The following GLG1 variants were observed in gnomAD, a reference collection of about 807,000 sequenced individuals.
GLG1 encodes the protein golgi glycoprotein 1, also known as Golgi apparatus protein 1.
GLG1 carries 38 observed loss-of-function variants against 160.5 expected under a neutral mutation model. The ratio of observed to expected loss-of-function variants is 0.24; its 90% CI spans 0.18 to 0.31. GLG1 has a LOEUF of 0.31. GLG1 is among the 10% of genes least tolerant of loss of function. GLG1 has a pLI of 1.00. For missense variants in GLG1, 1,373 were observed against 1,505.2 expected (o/e 0.91, Z 1.45); for synonymous variants, 644 against 543.4 (o/e 1.19, Z -2.57).
At chr16:74,514,099 G>A (rs1025596071) in intron 2 of GLG1, among the ~76,000 whole-genome samples, 9 of 152,108 alleles carry the variant, frequency 5.9e-5, no homozygotes, top group Non-Finnish European at 1.2e-4. Context: ...AAAAAAGAGT[G>A]AAAAGAAACG....
chr16:74,520,778 G>A (rs1471663249), intron 2 of GLG1, among the ~76,000 whole-genome samples: 2 of 152,208 alleles, frequency 1.3e-5, no homozygotes, highest in African/African-American at 4.8e-5. Context: ...TTCTAGGAAT[G>A]CTAATGGGAA....
At chr16:74,497,518 C>T (rs914057151) in intron 4 of GLG1, among the ~76,000 whole-genome samples, 10 of 148,664 alleles carry the variant, frequency 6.7e-5, no homozygotes, top group African/African-American at 2.2e-4. Context: ...GCTCACTGCA[C>T]GCTCCCACTC....
chr16:74,601,869 G>T (rs1028710791), intron 1 of GLG1, among the ~76,000 whole-genome samples: 1 of 152,094 alleles, frequency 6.6e-6, no homozygotes, highest in African/African-American at 2.4e-5. Context: ...GAAAGAGTAT[G>T]GTCTTTTAAG....
At chr16:74,577,531 A>C (rs2019040017) in intron 1 of GLG1, among the ~76,000 whole-genome samples, 1 of 151,718 alleles carries the variant, frequency 6.6e-6, no homozygotes, top group Non-Finnish European at 1.5e-5. Flanking sequence ...TCAAAAAAAA[A>C]AAAAAAAGAA....
At chr16:74,488,115 T>C (rs568574990) in intron 8 of GLG1, among the ~76,000 whole-genome samples, 2 of 152,300 alleles carry the variant, frequency 1.3e-5, no homozygotes, top group South Asian at 2.1e-4. Context: ...ATGATAATTA[T>C]GCTTACGCTT....
chr16:74,510,881 G>C (rs914798803), intron 2 of GLG1, among the ~76,000 whole-genome samples: 15 of 152,110 alleles, frequency 9.9e-5, no homozygotes, highest in Admixed American at 3.3e-4. Context: ...TTCCAAACTG[G>C]GGAGGGATGG....
At position 74,463,491 on chromosome 16, in the gene GLG1, C is replaced by G. The variant is rs775708454; in HGVS notation, c.2668-12G>C. ...TCCGGACAGAACCTCTGCAAAGAAA[C>G]AGTTTGATAAAAACAGCTATCTAAA... On this transcript the variant is annotated splice_polypyrimidine_tract_variant and intron_variant, in intron 19 of 25. Transcript: ENST00000422840. 6.2e-7 allele frequency: 1 copy of G among 1,613,278 alleles called. No homozygotes were observed. Among genetic ancestry groups the G allele is most frequent in the East Asian group, 2.2e-5 (1 of 44,890 alleles).
intron 9 of GLG1, among the ~76,000 whole-genome samples, chr16:74,484,785 A>G (rs1321807872): frequency 1.3e-5 from 2 of 151,886 alleles, no homozygotes; most frequent in African/African-American, 4.8e-5. Context: ...ATAAAAATAA[A>G]TTGTATTTTT....
chr16:74,538,505 T>C (rs568489976), intron 1 of GLG1, among the ~76,000 whole-genome samples: 10 of 152,218 alleles, frequency 6.6e-5, no homozygotes, highest in South Asian at 2.1e-4. Context: ...GCTTTCCTCT[T>C]AGTGCCTTAT....
At chr16:74,573,202 A>G (rs2018886201) in intron 1 of GLG1, among the ~76,000 whole-genome samples, 1 of 152,192 alleles carries the variant, frequency 6.6e-6, no homozygotes. Context: ...ATATTTCTAG[A>G]CAAAAAAACC....
intron 25 of GLG1, among the ~76,000 whole-genome samples, chr16:74,454,945 A>G (rs1418122873): frequency 6.6e-6 from 1 of 151,826 alleles, no homozygotes; most frequent in East Asian, 1.9e-4. Context: ...CTCCACAAAA[A>G]ATTATAAAAT....
At chr16:74,487,148 C>T (rs1333280147) in intron 8 of GLG1, among the ~76,000 whole-genome samples, 2 of 152,072 alleles carry the variant, frequency 1.3e-5, no homozygotes, top group Non-Finnish European at 2.9e-5. Flanking sequence ...TCAAGTGATC[C>T]GCCCACCTCG....
intron 15 of GLG1, 94 bp from the exon 16 acceptor site, chr16:74,470,167 G>A (rs1392685799): frequency 1.0e-5 from 8 of 773,426 alleles, no homozygotes; most frequent in Non-Finnish European, 1.9e-5. Flanking sequence ...TCACAAGCCT[G>A]TTTACAAGAC....
intron 2 of GLG1, among the ~76,000 whole-genome samples, chr16:74,509,824 G>A (rs1389955861): frequency 6.6e-6 from 1 of 150,920 alleles, no homozygotes; most frequent in East Asian, 2.0e-4. Context: ...ACTCCAGGAT[G>A]GGCAACAGAG....
In GLG1 at chr16:74,453,175, C is replaced by T; in HGVS notation, c.3532G>A (p.Asp1178Asn). 6.2e-7 allele frequency: 1 copy of T among 1,613,846 alleles called. No individual in the cohort carries two copies. The highest frequency in any genetic ancestry group is 8.5e-7 in the Non-Finnish European group (1 of 1,179,842). The change falls in exon 26 of 26, where the codon GAC (aspartate) becomes AAC (asparagine). Residue 1178 changes from aspartate (D) to asparagine (N), a missense_variant. This residue lies in a region of GLG1 where 491 missense variants were observed against 632.1 expected (regional missense o/e 0.78). Transcript: ENST00000422840. ...TGGTGGTCAAGGTGGCTCTACCTGT[C>T]CTTGAGCTCTCGTGTCACTCGCTTG... ...ITKRVTRELK[D>N]R
chr16:74,516,204 C>A (rs1242124550), intron 2 of GLG1, among the ~76,000 whole-genome samples: 1 of 151,632 alleles, frequency 6.6e-6, no homozygotes, highest in Non-Finnish European at 1.5e-5. Flanking sequence ...ACCAAGCAGA[C>A]CTAATAGACA....
rs566587840 is a variant in GLG1, at chr16:74,452,255, A to C, written c.*912T>G. ...CCTCCTGATGAAGCGCAGAGCTTCCAGAGTGACTGTAGCCTCAGCAGGGCC... is the reference window on the plus strand; with the variant it reads ...CCTCCTGATGAAGCGCAGAGCTTCCCGAGTGACTGTAGCCTCAGCAGGGCC... On this transcript the variant is annotated 3_prime_UTR_variant, in exon 26 of 26. Coordinates refer to ENST00000422840, the MANE Select transcript of GLG1 (RefSeq NM_001145667.2). The C allele has an allele frequency of 2.0e-6, 3 of 1,503,852 alleles. No homozygotes were observed. The highest frequency in any genetic ancestry group is 2.7e-6 in the Non-Finnish European group (3 of 1,127,000). The allele number at this position is 1,503,852 out of a possible 1,614,324, so 93.2% of individuals were successfully genotyped here. A position where few individuals can be genotyped will look rare whatever the true frequency, so the allele number is the denominator to read the frequency against.
intron 1 of GLG1, among the ~76,000 whole-genome samples, chr16:74,578,969 A>T (rs1957874008): frequency 6.6e-6 from 1 of 152,204 alleles, no homozygotes; most frequent in Admixed American, 6.5e-5. Flanking sequence ...ATTTATTAAG[A>T]GCCAGCTCTT....
intron 25 of GLG1, among the ~76,000 whole-genome samples, chr16:74,456,292 C>A (rs906611196): frequency 7.9e-5 from 12 of 152,180 alleles, no homozygotes; most frequent in African/African-American, 2.4e-4. Flanking sequence ...TCCAGGCTCA[C>A]GGGCAGCCAA....
Sources: gnomAD v4.1 joint callset for allele counts (sites outside exome capture counted in the v4.1 genomes callset) on GRCh38, gnomAD v4.1.1 for gene constraint, gnomAD v4.1.1 regional missense constraint, MANE v1.5 for transcripts, NCBI Gene and HGNC (gene_info 2026-07-23, HGNC 2026-07-21) for gene names.